Variants in DCC observed in about 807,000 individuals in gnomAD.
The protein encoded by DCC is DCC netrin 1 receptor.
In DCC, 58 loss-of-function variants were observed where a neutral mutation model predicts 172.5. The observed-to-expected ratio is 0.34, with a 90% CI of 0.27 to 0.42. The LOEUF (loss-of-function observed/expected upper bound fraction) is 0.42, where lower values mean the gene tolerates loss of function less well. Among genes scored for constraint, DCC ranks in the 10% least tolerant of loss-of-function variants. DCC has a pLI of 1.00. For synonymous variants in DCC, 709 were observed against 644.5 expected (o/e 1.10, Z -1.52); for missense variants, 1,740 against 1,791.0 (o/e 0.97, Z 0.51).
intron 1 of DCC, among the ~76,000 whole-genome samples, chr18:52,748,847 T>C (rs1003922036): frequency 2.6e-5 from 4 of 152,174 alleles, no homozygotes; most frequent in Admixed American, 2.6e-4. Flanking sequence ...AGGCTCAGAA[T>C]GTGGGAGGTG....
At chr18:53,026,818 C>T (rs780594356) in intron 5 of DCC, among the ~76,000 whole-genome samples, 1 of 152,126 alleles carries the variant, frequency 6.6e-6, no homozygotes, top group South Asian at 2.1e-4. Flanking sequence ...CTACCTTGAC[C>T]TCTCAAAATG....
intron 2 of DCC, among the ~76,000 whole-genome samples, chr18:52,762,955 A>G (rs2037187722): frequency 1.3e-5 from 2 of 152,226 alleles, no homozygotes; most frequent in Admixed American, 6.5e-5. Context: ...TAGGTTACCC[A>G]GAGATATTTA....
At chr18:52,911,724 T>C (rs2039973141) in intron 3 of DCC, among the ~76,000 whole-genome samples, 1 of 97,108 alleles carries the variant, frequency 1.0e-5, no homozygotes, top group Non-Finnish European at 2.7e-5. Context: ...TTGTCTCATA[T>C]TTAACATTTT....
chr18:52,979,409 G>A (rs1303453056), intron 5 of DCC, among the ~76,000 whole-genome samples: 1 of 152,158 alleles, frequency 6.6e-6, no homozygotes, highest in African/African-American at 2.4e-5. Flanking sequence ...AATGAGTGGT[G>A]CAGGGCCTGC....
At chr18:53,016,519 CTGTTA>C in intron 5 of DCC, among the ~76,000 whole-genome samples, 1 of 152,132 alleles carries the variant, frequency 6.6e-6, no homozygotes, top group East Asian at 1.9e-4. Flanking sequence ...CTGAAAACGT[CTGTTA>C]TGTTAGTTTC....
chr18:53,258,714 G>T (rs1394837461), intron 12 of DCC, among the ~76,000 whole-genome samples: 1 of 152,164 alleles, frequency 6.6e-6, no homozygotes, highest in Non-Finnish European at 1.5e-5. Context: ...GAGTTCTGTA[G>T]ATGTCTATTA....
At chr18:52,398,361 C>A (rs960726714) in intron 1 of DCC, among the ~76,000 whole-genome samples, 8 of 151,990 alleles carry the variant, frequency 5.3e-5, no homozygotes, top group African/African-American at 1.9e-4. Flanking sequence ...GTTCATTCCA[C>A]TCTCATCTGT....
intron 1 of DCC, among the ~76,000 whole-genome samples, chr18:52,498,827 G>A (rs755093320): frequency 3.6e-4 from 55 of 152,018 alleles, no homozygotes; most frequent in Non-Finnish European, 5.9e-4. Flanking sequence ...TTGTAATAAG[G>A]CCACCAGATT....
At chr18:52,610,178 AATATATATATATATATATATATATATAT>A (rs1158849717) in intron 1 of DCC, among the ~76,000 whole-genome samples, 1 of 14,080 alleles carries the variant, frequency 7.1e-5, no homozygotes, top group Non-Finnish European at 1.1e-4. Context: ...AAAAAAAAAA[AATATATATATATATATATATATATATAT>A]ATATATATAT....
chr18:53,510,606 T>C (rs1177662311), intron 27 of DCC, among the ~76,000 whole-genome samples: 1 of 152,248 alleles, frequency 6.6e-6, no homozygotes, highest in Non-Finnish European at 1.5e-5. Context: ...ATCCTTTGCA[T>C]TATTCAAACT....
chr18:53,094,669 A>G (rs2043059799), intron 7 of DCC, among the ~76,000 whole-genome samples: 1 of 152,242 alleles, frequency 6.6e-6, no homozygotes, highest in Non-Finnish European at 1.5e-5. Flanking sequence ...GCTAATAGAT[A>G]CAATATAGAG....
chr18:52,950,015 A>G (rs9945127), intron 5 of DCC, among the ~76,000 whole-genome samples: 20,417 of 152,180 alleles, frequency 0.13, 1,632 homozygotes, highest in East Asian at 0.34. Context: ...GCACTCTGCT[A>G]GGTACCAGGG....
intron 7 of DCC, among the ~76,000 whole-genome samples, chr18:53,081,327 A>C (rs893951133): frequency 2.6e-5 from 4 of 152,100 alleles, no homozygotes; most frequent in African/African-American, 9.7e-5. Flanking sequence ...GCCTACTTCT[A>C]TGTGCACTCA....
At chr18:52,724,619 C>A (rs2036524029) in intron 1 of DCC, among the ~76,000 whole-genome samples, 1 of 152,190 alleles carries the variant, frequency 6.6e-6, no homozygotes, top group Non-Finnish European at 1.5e-5. Context: ...TACCAACAGA[C>A]CAGCATGATC....
chr18:52,973,827 A>C (rs560633398), intron 5 of DCC, among the ~76,000 whole-genome samples: 2 of 152,218 alleles, frequency 1.3e-5, no homozygotes, highest in African/African-American at 4.8e-5. Flanking sequence ...ACACATTTTC[A>C]CTGGAGGCTT....
intron 2 of DCC, among the ~76,000 whole-genome samples, chr18:52,896,837 G>A (rs190330302): frequency 4.7e-4 from 71 of 150,410 alleles, no homozygotes; most frequent in Admixed American, 4.7e-3. Context: ...ACCACCTCCA[G>A]GGGAAAGCTG....
intron 5 of DCC, among the ~76,000 whole-genome samples, chr18:53,040,882 T>C (rs1282107800): frequency 6.6e-6 from 1 of 151,746 alleles, no homozygotes; most frequent in Non-Finnish European, 1.5e-5. Context: ...GTCATCCATG[T>C]AGAGATAAAA....
intron 5 of DCC, among the ~76,000 whole-genome samples, chr18:52,967,054 C>A (rs1423156082): frequency 1.3e-5 from 2 of 152,126 alleles, no homozygotes; most frequent in Non-Finnish European, 2.9e-5. Context: ...TGCTCAGAAG[C>A]AGCATGCTTA....
intron 27 of DCC, chr18:53,505,166 C>G (rs1480828672): frequency 2.6e-5 from 4 of 152,034 alleles, no homozygotes; most frequent in Non-Finnish European, 5.9e-5. Context: ...GATGTTATAG[C>G]AAAAGTAGCA....
Sources: allele counts gnomAD v4.1 joint callset (sites outside exome capture counted in the v4.1 genomes callset), GRCh38; gene constraint gnomAD v4.1.1; transcripts MANE v1.5; gene names NCBI Gene and HGNC (gene_info 2026-07-23, HGNC 2026-07-21).